The following NAPEPLD variants were observed in gnomAD, a reference collection of about 807,000 sequenced individuals.
NAPEPLD encodes the protein N-acyl phosphatidylethanolamine phospholipase D.
NAPEPLD carries 23 observed loss-of-function variants against 38.1 expected under a neutral mutation model. The observed-to-expected ratio is 0.60, with a 90% CI of 0.43 to 0.86. The LOEUF (loss-of-function observed/expected upper bound fraction) is 0.86. Ranked by LOEUF, NAPEPLD falls within the 40% of genes least tolerant of loss-of-function variation. The pLI, the probability that NAPEPLD is intolerant of heterozygous loss-of-function variation, is 0.00. For missense variants in NAPEPLD, 411 were observed against 476.8 expected, an observed-to-expected ratio of 0.86 and a Z score of 1.28; for synonymous variants, 147 against 162.0, an observed-to-expected ratio of 0.91 and a Z score of 0.71.
chr7:103,143,865 T>C (rs182311861), intron 1 of NAPEPLD, among the ~76,000 whole-genome samples: 80 of 152,314 alleles, frequency 5.3e-4, no homozygotes, highest in Non-Finnish European at 8.5e-4. Context: ...GCTTTCCTAA[T>C]CCATATGTGG....
intron 1 of NAPEPLD, among the ~76,000 whole-genome samples, chr7:103,140,387 C>CTTTTTTT (rs377763676): frequency 4.3e-5 from 4 of 92,620 alleles, no homozygotes; most frequent in Non-Finnish European, 5.8e-5. Flanking sequence ...TCACAGAACT[C>CTTTTTTT]TTTTTTTTTT....
intron 1 of NAPEPLD, among the ~76,000 whole-genome samples, chr7:103,137,266 T>G (rs1810264912): frequency 6.6e-6 from 1 of 152,192 alleles, no homozygotes; most frequent in Non-Finnish European, 1.5e-5. Context: ...GAGGAAAGAA[T>G]GCAAAACGCA....
intron 3 of NAPEPLD, 84 bp downstream of exon 3, chr7:103,119,493 T>C (rs1363189923): frequency 6.9e-7 from 1 of 1,443,762 alleles, no homozygotes; most frequent in Non-Finnish European, 9.3e-7. Context: ...TAAATTACAG[T>C]GTCACAAAAA....
rs80157370 is a variant in NAPEPLD at position 103,132,483 on chromosome 7, T to C, written c.-16-3691A>G. On this transcript the variant is annotated intron_variant, in intron 1 of 4. Transcript: ENST00000465647. ...GAGTCAGAAATGGCAGCACCACTAA[T>C]CAAGGTGGATTGTGACCCAGTGAGT... Among the ~76,000 whole-genome samples the C allele has an allele frequency of 3.7e-3, 560 of 152,128 alleles. 4 individuals are homozygous for C. Among genetic ancestry groups the C allele is most frequent in the African/African-American group, 0.013 (553 of 41,498 alleles).
intron 2 of NAPEPLD, among the ~76,000 whole-genome samples, chr7:103,124,389 C>T (rs1807329413): frequency 1.3e-5 from 2 of 151,540 alleles, no homozygotes; most frequent in Non-Finnish European, 2.9e-5. Flanking sequence ...ACCCAGGAGG[C>T]GAAGGTTGCA....
At chr7:103,149,857 C>A (rs1813351941), upstream of NAPEPLD, among the ~76,000 whole-genome samples, 1 of 152,204 alleles carries the variant, frequency 6.6e-6, no homozygotes, top group Non-Finnish European at 1.5e-5. Flanking sequence ...AGTCGAGAAG[C>A]ATTTGAATAC....
chr7:103,116,739 G>C (rs979149555), intron 3 of NAPEPLD, among the ~76,000 whole-genome samples: 1 of 152,318 alleles, frequency 6.6e-6, no homozygotes, highest in Admixed American at 6.5e-5. Flanking sequence ...TGGGAAGAGC[G>C]AGGGCTCAGG....
intron 1 of NAPEPLD, among the ~76,000 whole-genome samples, chr7:103,135,856 T>C (rs1173690554): frequency 1.3e-5 from 2 of 152,124 alleles, no homozygotes; most frequent in African/African-American, 2.4e-5. Flanking sequence ...GATGTTAGCT[T>C]GCAGGGAGTA....
At chr7:103,140,717 C>T (rs140417695) in intron 1 of NAPEPLD, among the ~76,000 whole-genome samples, 42 of 152,280 alleles carry the variant, frequency 2.8e-4, no homozygotes, top group Non-Finnish European at 3.5e-4. Flanking sequence ...TGTGGCCTCA[C>T]TAACCCTCCT....
chr7:103,132,955 G>C (rs1048299171), intron 1 of NAPEPLD, among the ~76,000 whole-genome samples: 1 of 151,998 alleles, frequency 6.6e-6, no homozygotes, highest in African/African-American at 2.4e-5. Context: ...GTGGAAACAG[G>C]TCTCATTACC....
intron 1 of NAPEPLD, chr7:103,147,913 A>C: frequency 5.7e-6 from 5 of 880,394 alleles, no homozygotes; most frequent in Non-Finnish European, 6.8e-6. Flanking sequence ...AAACAAATTT[A>C]ACCCCTCAAT....
chr7:103,117,347 T>C (rs1187694790), intron 3 of NAPEPLD, among the ~76,000 whole-genome samples: 1 of 152,148 alleles, frequency 6.6e-6, no homozygotes, highest in Non-Finnish European at 1.5e-5. Context: ...AAGATGAAAA[T>C]GGTTTTTGGT....
At chr7:103,122,832 T>C (rs1288365377) in intron 2 of NAPEPLD, among the ~76,000 whole-genome samples, 1 of 152,224 alleles carries the variant, frequency 6.6e-6, no homozygotes, top group Non-Finnish European at 1.5e-5. Flanking sequence ...TGCTCAACTA[T>C]CTGCCTGTCA....
chr7:103,135,703 T>C (rs1809888329), intron 1 of NAPEPLD, among the ~76,000 whole-genome samples: 1 of 150,880 alleles, frequency 6.6e-6, no homozygotes, highest in East Asian at 1.9e-4. Context: ...AAATAGAACA[T>C]ACACGCATAA....
chr7:103,102,311 C>T lies in NAPEPLD; in HGVS notation c.*1118G>A, dbSNP rs569965324. On this transcript the variant is annotated 3_prime_UTR_variant, in exon 5 of 5. Transcript: ENST00000465647. Reference sequence around the variant, plus strand: ...CATAAATCATATTCTCATAGCCACACTCCTTCCCTTCCTCTGCTCAGCTAA... The same window carrying T: ...CATAAATCATATTCTCATAGCCACATTCCTTCCCTTCCTCTGCTCAGCTAA... 5.3e-5 allele frequency: 8 copies of T among 152,286 alleles called. No homozygotes were observed. The highest frequency in any genetic ancestry group is 2.6e-4 in the Admixed American group (4 of 15,304). The allele number at this position is 152,286 out of a possible 1,614,324, so 9.4% of individuals were successfully genotyped here.
At chr7:103,107,621 C>T (rs1411867833) in intron 4 of NAPEPLD, among the ~76,000 whole-genome samples, 5 of 151,492 alleles carry the variant, frequency 3.3e-5, no homozygotes, top group Admixed American at 1.3e-4. Flanking sequence ...TATCAATAGC[C>T]GAATCGATCA....
At chr7:103,112,870 A>G (rs1312399923) in intron 4 of NAPEPLD, among the ~76,000 whole-genome samples, 1 of 152,232 alleles carries the variant, frequency 6.6e-6, no homozygotes, top group Non-Finnish European at 1.5e-5. Context: ...AAATTCCAAA[A>G]TGCTGAAAGT....
At chr7:103,116,694 T>C (rs1395597013) in intron 3 of NAPEPLD, among the ~76,000 whole-genome samples, 2 of 152,182 alleles carry the variant, frequency 1.3e-5, no homozygotes, top group African/African-American at 4.8e-5. Context: ...AATGGGTAAA[T>C]GATTAAGGAA....
chr7:103,129,189 C>A (rs1461498705), intron 1 of NAPEPLD: 1 of 441,098 alleles, frequency 2.3e-6, no homozygotes, highest in Non-Finnish European at 3.0e-6. Context: ...CGCTTGAACC[C>A]TGGAGGTGGA....
Sources: allele counts gnomAD v4.1 joint callset (sites outside exome capture counted in the v4.1 genomes callset), GRCh38; gene constraint gnomAD v4.1.1; transcripts MANE v1.5; gene names NCBI Gene and HGNC (gene_info 2026-07-23, HGNC 2026-07-21).